Variants in RALGPS2 observed in about 807,000 individuals in gnomAD.
The protein encoded by RALGPS2 is ras-specific guanine nucleotide-releasing factor RalGPS2.
A neutral mutation model predicts 86.8 loss-of-function variants in RALGPS2; 43 were observed. The ratio of observed to expected loss-of-function variants is 0.50; its 90% CI spans 0.39 to 0.64. The LOEUF is 0.64. RALGPS2 is among the 30% of genes least tolerant of loss of function. The pLI is 0.00. For missense variants in RALGPS2, 536 were observed against 694.6 expected (o/e 0.77, Z 2.57); for synonymous variants, 243 against 231.3 (o/e 1.05, Z -0.46).
chr1:178,826,976 AT>A (rs1406495153), intron 7 of RALGPS2, among the ~76,000 whole-genome samples: 1 of 152,222 alleles, frequency 6.6e-6, no homozygotes, highest in Non-Finnish European at 1.5e-5. Flanking sequence ...AAACTGTAAA[AT>A]AAACTGAATG....
At chr1:178,844,297 A>G (rs185176926) in intron 8 of RALGPS2, among the ~76,000 whole-genome samples, 17 of 152,348 alleles carry the variant, frequency 1.1e-4, no homozygotes, top group Admixed American at 7.2e-4. Context: ...AACATGAGGT[A>G]TATGGTCCAA....
chr1:178,906,700 T>A (rs1417355272), intron 18 of RALGPS2, 76 bp from the exon 19 acceptor site: 2 of 1,154,444 alleles, frequency 1.7e-6, no homozygotes, highest in Non-Finnish European at 2.5e-6. Flanking sequence ...TTTAATTTGC[T>A]CATTATTATC....
At chr1:178,838,967 A>AAG (rs546095548) in intron 8 of RALGPS2, among the ~76,000 whole-genome samples, 6,237 of 152,192 alleles carry the variant, frequency 0.041, 170 homozygotes, top group African/African-American at 0.072. Flanking sequence ...TTAGAGAAAA[A>AAG]AGTAAAAAGA....
intron 8 of RALGPS2, among the ~76,000 whole-genome samples, chr1:178,846,981 A>G (rs779598744): frequency 3.0e-4 from 46 of 152,256 alleles, no homozygotes; most frequent in Non-Finnish European, 6.0e-4. Context: ...AAAGGAGTTT[A>G]AATTGACTTG....
rs562580441 is a variant in RALGPS2 at position 178,920,232 on chromosome 1, G to A, written c.*3873G>A. ...CCTTTGATTTTGCTCCCCTAAAAAT[G>A]GCTTGTGTCTAAAGTGACATTTTTT... On this transcript the variant is annotated 3_prime_UTR_variant, in exon 20 of 20. Coordinates refer to ENST00000367635, the MANE Select transcript of RALGPS2 (RefSeq NM_152663.5). The A allele has an allele frequency of 1.3e-5, 2 of 152,040 alleles. No homozygotes were observed. The highest frequency in any genetic ancestry group is 3.9e-4 in the East Asian group (2 of 5,186). The allele number at this position is 152,040 out of a possible 1,614,324, so 9.4% of individuals were successfully genotyped here.
chr1:178,900,341 T>TA (rs1660115336), intron 17 of RALGPS2, among the ~76,000 whole-genome samples: 1 of 151,988 alleles, frequency 6.6e-6, no homozygotes, highest in South Asian at 2.1e-4. Flanking sequence ...CAACCTCACT[T>TA]ACTATTTAAA....
chr1:178,832,111 A>C (rs1045146143), intron 7 of RALGPS2, among the ~76,000 whole-genome samples: 2 of 152,202 alleles, frequency 1.3e-5, no homozygotes, highest in African/African-American at 4.8e-5. Context: ...GTAAAGAGTT[A>C]GATATACAGG....
intron 1 of RALGPS2, among the ~76,000 whole-genome samples, chr1:178,753,932 C>T (rs567838192): frequency 5.9e-5 from 9 of 151,816 alleles, no homozygotes; most frequent in African/African-American, 2.2e-4. Flanking sequence ...CCTGGGTTCA[C>T]GCCATTCTCC....
At chr1:178,806,662 T>C (rs1654763057) in intron 4 of RALGPS2, among the ~76,000 whole-genome samples, 1 of 152,172 alleles carries the variant, frequency 6.6e-6, no homozygotes, top group Non-Finnish European at 1.5e-5. Context: ...TATATCCTCC[T>C]GTTTTTGCTT....
chr1:178,889,491 T>G, intron 13 of RALGPS2, 151 bp from the exon 14 acceptor site: 3 of 594,468 alleles, frequency 5.0e-6, no homozygotes, highest in Non-Finnish European at 8.9e-6. Context: ...ACAGCAGTAA[T>G]ATTAGAATAA....
At chr1:178,838,142 T>C (rs1348266966) in intron 8 of RALGPS2, among the ~76,000 whole-genome samples, 1 of 152,192 alleles carries the variant, frequency 6.6e-6, no homozygotes, top group Non-Finnish European at 1.5e-5. Flanking sequence ...TCTGCAGACT[T>C]AAATGTCCCT....
At chr1:178,854,838 C>T (rs1468194140) in intron 8 of RALGPS2, among the ~76,000 whole-genome samples, 1 of 152,122 alleles carries the variant, frequency 6.6e-6, no homozygotes, top group East Asian at 1.9e-4. Flanking sequence ...TTACAAGTGA[C>T]AACACATTTT....
intron 15 of RALGPS2, 110 bp from the exon 16 acceptor site, chr1:178,893,809 A>G (rs1434703977): frequency 4.5e-5 from 32 of 716,418 alleles, no homozygotes; most frequent in Non-Finnish European, 6.7e-5. Flanking sequence ...CTCAGCTCTG[A>G]ATAAAGTAAC....
chr1:178,854,205 T>C (rs1046644004), intron 8 of RALGPS2, among the ~76,000 whole-genome samples: 6 of 152,110 alleles, frequency 3.9e-5, no homozygotes, highest in East Asian at 1.9e-4. Context: ...TTCATTCTTA[T>C]TGAATTCATT....
intron 4 of RALGPS2, among the ~76,000 whole-genome samples, chr1:178,803,384 T>C (rs1654576785): frequency 6.6e-6 from 1 of 152,088 alleles, no homozygotes; most frequent in Admixed American, 6.6e-5. Context: ...ATAGCATTAA[T>C]ATAAGTTTTG....
chr1:178,765,859 T>C (rs1040794356), intron 1 of RALGPS2, among the ~76,000 whole-genome samples: 1 of 152,252 alleles, frequency 6.6e-6, no homozygotes, highest in African/African-American at 2.4e-5. Flanking sequence ...ATAGGCTCTG[T>C]TCTGCCCGGC....
chr1:178,897,692 C>G lies in RALGPS2; in HGVS notation c.1460C>G (p.Ala487Gly). 1 of 1,612,566 alleles carries G rather than the reference C, an allele frequency of 6.2e-7. No homozygotes were observed. The highest frequency in any genetic ancestry group is 8.5e-7 in the Non-Finnish European group (1 of 1,179,000). The change falls in exon 17 of 20, where the codon GCT (alanine) becomes GGT (glycine). Residue 487 changes from alanine to glycine, a missense_variant. Around this residue, in one of 3 missense-constraint regions of RALGPS2, gnomAD observed 309 missense variants for 363.0 expected, o/e 0.85. Transcript: ENST00000367635. ...TVASWTKYWA[A>G]LCGTQLFYYA... Reference sequence around the variant, plus strand: ...GCATCTTGGACAAAATATTGGGCAGCTTTGTGTGGGACACAGCTTTTTTAC... The same window carrying G: ...GCATCTTGGACAAAATATTGGGCAGGTTTGTGTGGGACACAGCTTTTTTAC...
chr1:178,911,177 G>A (rs983505107), intron 19 of RALGPS2, among the ~76,000 whole-genome samples: 1 of 151,860 alleles, frequency 6.6e-6, no homozygotes, highest in Non-Finnish European at 1.5e-5. Context: ...CCAGTCTATC[G>A]ATCTTGTTTT....
chr1:178,874,690 G>A (rs993768580), intron 8 of RALGPS2, among the ~76,000 whole-genome samples: 4 of 152,126 alleles, frequency 2.6e-5, no homozygotes, highest in Non-Finnish European at 5.9e-5. Flanking sequence ...ATTTCCTTGA[G>A]GAATCTTTTA....
Sources: gnomAD v4.1 joint callset for allele counts (sites outside exome capture counted in the v4.1 genomes callset) on GRCh38, gnomAD v4.1.1 for gene constraint, gnomAD v4.1.1 regional missense constraint, MANE v1.5 for transcripts, NCBI Gene and HGNC (gene_info 2026-07-23, HGNC 2026-07-21) for gene names.